Variants in PHACTR4 observed in about 807,000 individuals in gnomAD.
PHACTR4 encodes protein phosphatase 1, regulatory subunit 124.
PHACTR4 carries 51 observed loss-of-function variants against 72.7 expected under a neutral mutation model. That is an observed-to-expected ratio of 0.70 (90% CI 0.56 to 0.89). PHACTR4 has a LOEUF of 0.89. Among genes scored for constraint, PHACTR4 ranks in the 40% least tolerant of loss-of-function variants. The pLI is 0.00. For synonymous variants in PHACTR4, 255 were observed against 302.5 expected (o/e 0.84, Z 1.63); for missense variants, 731 against 861.8 (o/e 0.85, Z 1.90).
chr1:28,476,207 G>A lies in PHACTR4; in HGVS notation c.1522G>A (p.Glu508Lys). The A allele has an allele frequency of 6.2e-7, 1 of 1,610,818 alleles. No individual in the cohort carries two copies. The highest frequency in any genetic ancestry group is 8.5e-7 in the Non-Finnish European group (1 of 1,178,196). ...VIPKLPQCLR[E>K]EEEKESDSDS... ...TCCTAAATTACCACAGTGTCTACGG[G>A]AGGAAGAAGAGAAGGAGAGCGACTC... The change falls in exon 8 of 14, where the codon GAG becomes AAG. Residue 508 changes from glutamate (E) to lysine (K), a missense_variant. By Grantham distance (56) the Glu-to-Lys change is moderately conservative (BLOSUM62 1). Coordinates refer to ENST00000373839, the MANE Select transcript of PHACTR4 (RefSeq NM_001048183.3).
chr1:28,477,632 T>C (rs1660007986), intron 8 of PHACTR4, among the ~76,000 whole-genome samples: 1 of 152,192 alleles, frequency 6.6e-6, no homozygotes, highest in Non-Finnish European at 1.5e-5. Flanking sequence ...TCTGGTTATC[T>C]TGAAATATAC....
At chr1:28,468,748 A>T (rs989302513) in intron 6 of PHACTR4, among the ~76,000 whole-genome samples, 2 of 152,192 alleles carry the variant, frequency 1.3e-5, no homozygotes, top group African/African-American at 4.8e-5. Flanking sequence ...ACTGCTGGAC[A>T]CTACCCGTAG....
intron 6 of PHACTR4, among the ~76,000 whole-genome samples, chr1:28,471,484 T>G (rs1306441141): frequency 1.3e-5 from 2 of 152,076 alleles, no homozygotes; most frequent in African/African-American, 4.8e-5. Flanking sequence ...CTAAAGGGTT[T>G]GAGTAGAAGG....
intron 2 of PHACTR4, among the ~76,000 whole-genome samples, chr1:28,458,015 T>C (rs920468679): frequency 1.3e-5 from 2 of 151,896 alleles, no homozygotes; most frequent in African/African-American, 4.8e-5. Context: ...TGCATGGTCA[T>C]TATGAGGGGT....
chr1:28,430,034 T>G (rs1424911584), intron 2 of PHACTR4, among the ~76,000 whole-genome samples: 2 of 152,106 alleles, frequency 1.3e-5, no homozygotes. Context: ...GGTTCTTTTT[T>G]TTTTTTGAGA....
chr1:28,487,184 G>A (rs916670812), intron 9 of PHACTR4, among the ~76,000 whole-genome samples: 12 of 151,930 alleles, frequency 7.9e-5, no homozygotes, highest in Non-Finnish European at 1.5e-4. Context: ...GGCTAACACG[G>A]TGAAACGCCA....
chr1:28,446,007 A>AAGT (rs1473013174), intron 2 of PHACTR4, among the ~76,000 whole-genome samples: 2 of 148,064 alleles, frequency 1.4e-5, no homozygotes, highest in African/African-American at 5.3e-5. Flanking sequence ...AAACTGGAGT[A>AAGT]AATAATAGGT....
chr1:28,376,705 C>T (rs1426706180), intron 1 of PHACTR4, among the ~76,000 whole-genome samples: 3 of 151,558 alleles, frequency 2.0e-5, no homozygotes, highest in African/African-American at 4.8e-5. Flanking sequence ...GGTGCAATCT[C>T]GGCTCACTGC....
intron 4 of PHACTR4, among the ~76,000 whole-genome samples, chr1:28,463,749 A>T (rs1257853585): frequency 6.6e-6 from 1 of 152,122 alleles, no homozygotes; most frequent in Non-Finnish European, 1.5e-5. Context: ...TTCATGAAGA[A>T]TGATGTTGGA....
At chr1:28,481,373 A>C (rs556116604) in intron 9 of PHACTR4, 9 of 152,320 alleles carry the variant, frequency 5.9e-5, no homozygotes, top group African/African-American at 2.2e-4. Flanking sequence ...TTTTGCATGA[A>C]AGGAGAGAAG....
intron 10 of PHACTR4, 106 bp from the exon 11 acceptor site, chr1:28,490,843 CAA>C (rs377077670): frequency 1.6e-4 from 144 of 912,516 alleles, no homozygotes; most frequent in Middle Eastern, 2.5e-4. Context: ...AACTCCGTCT[CAA>C]AAAAAAAAAA....
chr1:28,409,951 A>ATTTTTTTTTTTTTTTTTTT (rs57186471), intron 2 of PHACTR4, among the ~76,000 whole-genome samples: 1 of 66,364 alleles, frequency 1.5e-5, no homozygotes, highest in Non-Finnish European at 2.6e-5. Context: ...TTCTTCATAA[A>ATTTTTTTTTTTTTTTTTTT]TTTTTTTTTT....
Position 28,498,735 on chromosome 1 carries a change from C to T in PHACTR4, c.*2186C>T, listed in dbSNP as rs1661500706. 6.6e-6 allele frequency: 1 copy of T among 152,012 alleles called. No homozygotes were observed. The highest frequency in any genetic ancestry group is 2.4e-5 in the African/African-American group (1 of 41,376). 9.4% of individuals were successfully genotyped at this position (152,012 alleles called of 1,614,324 possible). A position where few individuals can be genotyped will look rare whatever the true frequency, so the allele number is the denominator to read the frequency against. On this transcript the variant is annotated 3_prime_UTR_variant, in exon 14 of 14. Coordinates refer to ENST00000373839, the MANE Select transcript of PHACTR4 (RefSeq NM_001048183.3). Reference sequence around the variant, plus strand: ...TGTAATCTTTCAGTAGATTTTCATCCTTTCATATCCACATTCTTATGTGGA... The same window carrying T: ...TGTAATCTTTCAGTAGATTTTCATCTTTTCATATCCACATTCTTATGTGGA...
chr1:28,452,351 A>T (rs1658037582), intron 2 of PHACTR4, among the ~76,000 whole-genome samples: 1 of 152,064 alleles, frequency 6.6e-6, no homozygotes. Flanking sequence ...ACAAAAAATT[A>T]AAAAATTAGC....
intron 2 of PHACTR4, among the ~76,000 whole-genome samples, chr1:28,410,700 C>T (rs1654721629): frequency 1.3e-5 from 2 of 151,866 alleles, no homozygotes; most frequent in Non-Finnish European, 1.5e-5. Flanking sequence ...TTATTTTTTT[C>T]TTTTTCTTTT....
rs538642116 is a variant in PHACTR4 at position 28,440,295 on chromosome 1, C to A, written c.17-18790C>A. Among the ~76,000 whole-genome samples the A allele has an allele frequency of 1.1e-4, 13 of 122,104 alleles. 1 individual carries two copies. The East Asian group carries it at 2.8e-3, about 26-fold the overall frequency. 80.1% of individuals were successfully genotyped at this position (122,104 alleles called of 152,430 possible). ...CCAGCCTGGGCGACAGAGCGAAACT[C>A]CGTCTCAAAAAGAAAAAAAAAAAAA... On this transcript the variant is annotated intron_variant, in intron 2 of 13. Transcript: ENST00000373839.
chr1:28,385,110 T>G (rs1436468905), intron 1 of PHACTR4, among the ~76,000 whole-genome samples: 1 of 152,178 alleles, frequency 6.6e-6, no homozygotes, highest in African/African-American at 2.4e-5. Flanking sequence ...TTGTAACTTT[T>G]TGATGTGGAT....
rs1348539568 is a variant in PHACTR4 at position 28,487,731 on chromosome 1, T to G, written c.1761-1439T>G. 1.0e-3 allele frequency among the ~76,000 whole-genome samples: 129 copies of G among 126,168 alleles called. 5 individuals carry two copies. Among genetic ancestry groups the G allele is most frequent in the African/African-American group, 3.5e-3 (111 of 31,896 alleles). The allele number at this position is 126,168 out of a possible 152,430, so 82.8% of individuals were successfully genotyped here. On this transcript the variant is annotated intron_variant, in intron 9 of 13. Transcript: ENST00000373839. ...GACAAATTGTAGTTTTTTGTTGTTT[T>G]TTTTTTTTTTTTTTTTTTTTTTGAG...
chr1:28,412,600 G>A (rs1185694945), intron 2 of PHACTR4, among the ~76,000 whole-genome samples: 1 of 152,180 alleles, frequency 6.6e-6, no homozygotes, highest in Non-Finnish European at 1.5e-5. Flanking sequence ...GCCTTGATTT[G>A]TGTTAAGGTG....
Sources: gnomAD v4.1 joint callset for allele counts (sites outside exome capture counted in the v4.1 genomes callset) on GRCh38, gnomAD v4.1.1 for gene constraint, MANE v1.5 for transcripts, NCBI Gene and HGNC (gene_info 2026-07-23, HGNC 2026-07-21) for gene names.